Variants in ST3GAL2 observed in about 807,000 individuals in gnomAD.
ST3GAL2 encodes the protein ST3 beta-galactoside alpha-2,3-sialyltransferase 2, also known as CMP-N-acetylneuraminate-beta-galactosamide-alpha-2,3-sialyltransferase 2.
In ST3GAL2, 16 loss-of-function variants were observed where a neutral mutation model predicts 37.5. That is an observed-to-expected ratio of 0.43 (90% CI 0.29 to 0.65). The LOEUF (loss-of-function observed/expected upper bound fraction) is 0.65, where lower values mean the gene tolerates loss of function less well. Among genes scored for constraint, ST3GAL2 ranks in the 30% least tolerant of loss-of-function variants. The pLI is 0.17. For synonymous variants in ST3GAL2, 238 were observed against 202.9 expected, an observed-to-expected ratio of 1.17 and a Z score of -1.47; for missense variants, 383 against 487.8, an observed-to-expected ratio of 0.79 and a Z score of 2.02.
At chr16:70,432,809 T>A (rs2047800108) in intron 1 of ST3GAL2, among the ~76,000 whole-genome samples, 1 of 152,154 alleles carries the variant, frequency 6.6e-6, no homozygotes, top group Admixed American at 6.5e-5. Flanking sequence ...GACTCAGGTG[T>A]GTGGGACGGA....
chr16:70,386,704 G>T (rs982642674), intron 4 of ST3GAL2, among the ~76,000 whole-genome samples: 1 of 152,098 alleles, frequency 6.6e-6, no homozygotes, highest in African/African-American at 2.4e-5. Flanking sequence ...AGAGTGCAAT[G>T]GTGTGGTCTT....
At chr16:70,381,958 C>A in intron 6 of ST3GAL2, 96 bp from the exon 7 acceptor site, 1 of 1,519,308 alleles carries the variant, frequency 6.6e-7, no homozygotes, top group South Asian at 1.2e-5. Flanking sequence ...GGACGGGAGG[C>A]CCCGGGGAGA....
intron 1 of ST3GAL2, among the ~76,000 whole-genome samples, chr16:70,402,521 G>C (rs952803610): frequency 2.0e-4 from 30 of 152,130 alleles, no homozygotes; most frequent in Non-Finnish European, 1.0e-4. Flanking sequence ...GATAATAATA[G>C]AGAAAATCAA....
chr16:70,409,000 G>C (rs2047616667), intron 1 of ST3GAL2, among the ~76,000 whole-genome samples: 3 of 149,384 alleles, frequency 2.0e-5, no homozygotes. Flanking sequence ...GGGTGCGGCA[G>C]GGGAGTTGGG....
At chr16:70,426,154 C>A (rs2047748494) in intron 1 of ST3GAL2, among the ~76,000 whole-genome samples, 1 of 136,890 alleles carries the variant, frequency 7.3e-6, no homozygotes, top group Admixed American at 7.5e-5. Context: ...CATTGCTCAT[C>A]TTGCAATGCA....
rs748207902 is a variant in ST3GAL2, at chr16:70,380,132, TCTA to T, written c.*1554_*1556del. On this transcript the variant is annotated 3_prime_UTR_variant, in exon 7 of 7. Transcript: ENST00000342907. ...GGGGGGAGCGCCCTGAGAGAGGCAT[TCTA>T]CTAACCCCACCCCAATCACCCCTAT... 3 of 152,274 alleles carry T rather than the reference TCTA, an allele frequency of 2.0e-5. 1 individual carries two copies. The highest frequency in any genetic ancestry group is 6.8e-3 in the Middle Eastern group (2 of 294). 9.4% of individuals were successfully genotyped at this position (152,274 alleles called of 1,614,324 possible).
chr16:70,409,310 G>A (rs1051395974), intron 1 of ST3GAL2, among the ~76,000 whole-genome samples: 1 of 151,808 alleles, frequency 6.6e-6, no homozygotes, highest in Non-Finnish European at 1.5e-5. Context: ...GGGAAGACCA[G>A]GTCTCTCCAC....
intron 2 of ST3GAL2, among the ~76,000 whole-genome samples, chr16:70,397,970 G>A (rs191802207): frequency 4.8e-4 from 73 of 152,342 alleles, no homozygotes; most frequent in African/African-American, 1.6e-3. Context: ...GCCTGGTCCA[G>A]GAGGCATTTC....
At chr16:70,432,662 C>A (rs974528471) in intron 1 of ST3GAL2, among the ~76,000 whole-genome samples, 1 of 152,178 alleles carries the variant, frequency 6.6e-6, no homozygotes, top group Non-Finnish European at 1.5e-5. Context: ...AAAGTTCAGA[C>A]CCCCCTTCTT....
chr16:70,406,317 G>A (rs2047592047), intron 1 of ST3GAL2, among the ~76,000 whole-genome samples: 1 of 151,782 alleles, frequency 6.6e-6, no homozygotes. Context: ...TGGTGGCAGG[G>A]CCAACATGGT....
At chr16:70,438,135 T>C (rs1567680443) in intron 1 of ST3GAL2, among the ~76,000 whole-genome samples, 1 of 152,130 alleles carries the variant, frequency 6.6e-6, no homozygotes, top group Non-Finnish European at 1.5e-5. Flanking sequence ...TGGTGCTGAC[T>C]CCTCTACAGG....
At chr16:70,384,705 C>CA (rs34907504) in intron 4 of ST3GAL2, among the ~76,000 whole-genome samples, 1,769 of 68,854 alleles carry the variant, frequency 0.026, 23 homozygotes, top group East Asian at 0.059. Flanking sequence ...AACTCTGTCT[C>CA]AAAAAAAAAA....
At chr16:70,431,193 G>A (rs1055567038) in intron 1 of ST3GAL2, among the ~76,000 whole-genome samples, 1 of 152,192 alleles carries the variant, frequency 6.6e-6, no homozygotes, top group Admixed American at 6.5e-5. Context: ...TTCACTGTCA[G>A]CCCTAGTCCC....
intron 1 of ST3GAL2, among the ~76,000 whole-genome samples, chr16:70,402,954 G>A (rs2047566039): frequency 6.6e-6 from 1 of 152,160 alleles, no homozygotes; most frequent in African/African-American, 2.4e-5. Flanking sequence ...CCTAGCCATG[G>A]AGTATTTCTT....
rs371149141 is a variant in ST3GAL2, at chr16:70,437,886, AGT to A, written c.-1004+1061_-1004+1062del. ...ACATCCGTCCCAAAGACGAGGCGGG[AGT>A]GTGTTACTGGCCAGAGGTCCCAGAG... On this transcript the variant is annotated intron_variant, in intron 1 of 6. Transcript: ENST00000342907. 1.2e-3 allele frequency among the ~76,000 whole-genome samples: 186 copies of A among 152,174 alleles called. 1 individual carries two copies. The highest frequency in any genetic ancestry group is 4.1e-3 in the African/African-American group (171 of 41,534).
intron 1 of ST3GAL2, among the ~76,000 whole-genome samples, chr16:70,424,386 G>A (rs989684746): frequency 2.0e-5 from 3 of 150,752 alleles, no homozygotes; most frequent in Non-Finnish European, 4.4e-5. Context: ...CGGATCACCT[G>A]AGGTTGGGAG....
rs1238285098 is a variant in ST3GAL2 at position 70,379,181 on chromosome 16, C to G, written c.*2508G>C. The G allele has an allele frequency of 6.6e-6, 1 of 152,128 alleles. No individual in the cohort carries two copies. The highest frequency in any genetic ancestry group is 2.4e-5 in the African/African-American group (1 of 41,432). 9.4% of individuals were successfully genotyped at this position (152,128 alleles called of 1,614,324 possible). ...GAGCCTGATGGATACCTGGAGACAT[C>G]ATGTTGACAGAGGCCAAAGTGGTTA... On this transcript the variant is annotated 3_prime_UTR_variant, in exon 7 of 7. Transcript: ENST00000342907.
intron 1 of ST3GAL2, among the ~76,000 whole-genome samples, chr16:70,432,615 C>G (rs938735925): frequency 6.6e-6 from 1 of 152,184 alleles, no homozygotes; most frequent in African/African-American, 2.4e-5. Context: ...CATGGCATAA[C>G]TGGAGGAAAA....
intron 1 of ST3GAL2, among the ~76,000 whole-genome samples, chr16:70,422,588 T>C (rs931938441): frequency 3.3e-5 from 5 of 152,058 alleles, no homozygotes; most frequent in Admixed American, 3.3e-4. Context: ...GTCCCAAACT[T>C]CACTCCCGAG....
Sources: gnomAD v4.1 joint callset for allele counts (sites outside exome capture counted in the v4.1 genomes callset) on GRCh38, gnomAD v4.1.1 for gene constraint, MANE v1.5 for transcripts, NCBI Gene and HGNC (gene_info 2026-07-23, HGNC 2026-07-21) for gene names.